LATS2: variants seen among roughly 807,000 people sequenced by gnomAD.
The protein encoded by LATS2 is large tumor suppressor kinase 2.
In LATS2, 24 loss-of-function variants were observed where a neutral mutation model predicts 76.0. The ratio of observed to expected loss-of-function variants is 0.32; its 90% CI spans 0.23 to 0.44. The LOEUF is 0.44. Ranked by LOEUF, LATS2 falls within the 20% of genes least tolerant of loss-of-function variation. The pLI, the probability that LATS2 is intolerant of heterozygous loss-of-function variation, is 1.00. For missense variants in LATS2, 1,286 were observed against 1,481.2 expected (o/e 0.87, Z 2.16); for synonymous variants, 692 against 635.4 (o/e 1.09, Z -1.34).
intron 2 of LATS2, among the ~76,000 whole-genome samples, chr13:21,003,585 T>G (rs1407466923): frequency 6.6e-6 from 1 of 151,284 alleles, no homozygotes; most frequent in Non-Finnish European, 1.5e-5. Flanking sequence ...GGATTACAGG[T>G]GCCTCGCCAC....
chr13:21,023,836 G>A (rs11840909), intron 2 of LATS2, among the ~76,000 whole-genome samples: 3,531 of 151,920 alleles, frequency 0.023, 166 homozygotes, highest in African/African-American at 0.081. Flanking sequence ...AGCTGGGCAT[G>A]GTGGCGCATG....
At position 20,973,074 on chromosome 13, in the gene LATS2, A is replaced by C; in HGVS notation, c.*1796T>G. ...TTTTAATAATAAATTGTGCCAGTAGAAGCTTTTCAAAGGTAATGATATATC... is the reference window on the plus strand; with the variant it reads ...TTTTAATAATAAATTGTGCCAGTAGCAGCTTTTCAAAGGTAATGATATATC... On this transcript the variant is annotated 3_prime_UTR_variant, in exon 8 of 8. Transcript: ENST00000382592. The C allele has an allele frequency of 4.4e-6, 1 of 226,408 alleles. No homozygotes were observed. The highest frequency in any genetic ancestry group is 8.8e-6 in the Non-Finnish European group (1 of 113,686). 14.0% of individuals were successfully genotyped at this position (226,408 alleles called of 1,614,324 possible).
At chr13:21,032,360 C>CG (rs1367662291) in intron 2 of LATS2, among the ~76,000 whole-genome samples, 1 of 152,148 alleles carries the variant, frequency 6.6e-6, no homozygotes, top group East Asian at 1.9e-4. Context: ...CTGCCTCCCC[C>CG]GGGTTCAAGC....
intron 1 of LATS2, among the ~76,000 whole-genome samples, chr13:21,060,539 G>C (rs1873602700): frequency 6.6e-6 from 1 of 152,088 alleles, no homozygotes. Context: ...AGCAGGGCCT[G>C]GCCGCCCGCA....
chr13:21,028,411 G>A (rs1872397280), intron 2 of LATS2, among the ~76,000 whole-genome samples: 1 of 152,150 alleles, frequency 6.6e-6, no homozygotes, highest in Admixed American at 6.5e-5. Flanking sequence ...TGTCTTTATA[G>A]CAGCATGATT....
intron 2 of LATS2, among the ~76,000 whole-genome samples, chr13:21,028,834 C>T (rs571109396): frequency 6.6e-6 from 1 of 152,294 alleles, no homozygotes; most frequent in African/African-American, 2.4e-5. Context: ...TCCCAGAGTA[C>T]TGAGATTACA....
intron 2 of LATS2, among the ~76,000 whole-genome samples, chr13:21,018,961 C>T (rs969372300): frequency 3.3e-5 from 5 of 152,010 alleles, no homozygotes; most frequent in Admixed American, 2.0e-4. Flanking sequence ...TCCCTCTTTA[C>T]GACTAATTTT....
At chr13:21,004,391 G>A (rs1299234792) in intron 2 of LATS2, among the ~76,000 whole-genome samples, 7 of 146,658 alleles carry the variant, frequency 4.8e-5, no homozygotes, top group South Asian at 2.2e-4. Context: ...CTGAGATTGC[G>A]CCATTGCACT....
chr13:21,047,183 TCAA>T (rs1337255901), intron 1 of LATS2, among the ~76,000 whole-genome samples: 1 of 152,160 alleles, frequency 6.6e-6, no homozygotes, highest in Non-Finnish European at 1.5e-5. Context: ...CCAGTCCAAG[TCAA>T]CACCGCCCTC....
chr13:21,031,274 T>C (rs1052218059), intron 2 of LATS2, among the ~76,000 whole-genome samples: 1 of 152,226 alleles, frequency 6.6e-6, no homozygotes, highest in African/African-American at 2.4e-5. Context: ...TTTTAGCTAT[T>C]ACTGTGTCAA....
chr13:21,020,357 C>T (rs1033197114), intron 2 of LATS2, among the ~76,000 whole-genome samples: 1 of 152,154 alleles, frequency 6.6e-6, no homozygotes, highest in African/African-American at 2.4e-5. Context: ...ATGACAAAAA[C>T]CTCAATTGCT....
At chr13:20,998,839 G>T (rs550526586) in intron 2 of LATS2, among the ~76,000 whole-genome samples, 152 of 152,250 alleles carry the variant, frequency 1.0e-3, no homozygotes, top group African/African-American at 3.2e-3. Flanking sequence ...CATTGTGCAC[G>T]CCGGGTGGGG....
At chr13:21,056,108 T>C (rs1449360051) in intron 1 of LATS2, among the ~76,000 whole-genome samples, 1 of 152,196 alleles carries the variant, frequency 6.6e-6, no homozygotes. Context: ...TGCTGGACAC[T>C]ATAAGGTCTC....
chr13:21,004,365 T>C (rs1172037915), intron 2 of LATS2, among the ~76,000 whole-genome samples: 1 of 143,968 alleles, frequency 6.9e-6, no homozygotes, highest in Non-Finnish European at 1.5e-5. Flanking sequence ...ACCCAGGAGG[T>C]GGAGGTTGCA....
At chr13:21,029,514 C>T (rs1484796262) in intron 2 of LATS2, among the ~76,000 whole-genome samples, 4 of 152,112 alleles carry the variant, frequency 2.6e-5, no homozygotes, top group Non-Finnish European at 4.4e-5. Flanking sequence ...ATTGGAATGT[C>T]GGGTGCGGTG....
At chr13:21,033,451 C>T (rs542173109) in intron 2 of LATS2, among the ~76,000 whole-genome samples, 6 of 151,744 alleles carry the variant, frequency 4.0e-5, no homozygotes, top group African/African-American at 1.5e-4. Context: ...ACAAACACAC[C>T]GAGTTCAATA....
At chr13:20,987,849 G>A in intron 4 of LATS2, 32 bp downstream of exon 4, 7 of 1,599,200 alleles carry the variant, frequency 4.4e-6, no homozygotes, top group Non-Finnish European at 6.0e-6. Context: ...GATGAGCCGG[G>A]AACAAATAGT....
At chr13:21,058,823 A>G (rs1261868317) in intron 1 of LATS2, among the ~76,000 whole-genome samples, 1 of 152,216 alleles carries the variant, frequency 6.6e-6, no homozygotes, top group Non-Finnish European at 1.5e-5. Context: ...CCTGCATGAG[A>G]CAAAATTTTG....
chr13:21,018,185 C>A (rs1185572997), intron 2 of LATS2: 3 of 152,154 alleles, frequency 2.0e-5, no homozygotes, highest in African/African-American at 7.2e-5. Flanking sequence ...TTCCTTCAGG[C>A]AGGTGTAAAA....
Sources: allele counts gnomAD v4.1 joint callset (sites outside exome capture counted in the v4.1 genomes callset), GRCh38; gene constraint gnomAD v4.1.1; transcripts MANE v1.5; gene names NCBI Gene and HGNC (gene_info 2026-07-23, HGNC 2026-07-21).